Variants in ADAMTSL3 observed in about 807,000 individuals in gnomAD.
ADAMTSL3 encodes ADAMTS like 3.
ADAMTSL3 carries 128 observed loss-of-function variants against 201.7 expected under a neutral mutation model. The observed-to-expected ratio is 0.63, with a 90% confidence interval of 0.55 to 0.73. The LOEUF (loss-of-function observed/expected upper bound fraction) is 0.73. Ranked by LOEUF, ADAMTSL3 falls within the 30% of genes least tolerant of loss-of-function variation. The pLI is 0.00. For missense variants in ADAMTSL3, 1,990 were observed against 2,119.6 expected, an observed-to-expected ratio of 0.94 and a Z score of 1.20; for synonymous variants, 738 against 748.4, an observed-to-expected ratio of 0.99 and a Z score of 0.23.
intron 16 of ADAMTSL3, among the ~76,000 whole-genome samples, chr15:83,921,063 T>G (rs2066134086): frequency 6.6e-6 from 1 of 152,238 alleles, no homozygotes; most frequent in African/African-American, 2.4e-5. Context: ...TCTAGAGTTG[T>G]TCATCGAGTC....
intron 23 of ADAMTSL3, among the ~76,000 whole-genome samples, chr15:84,005,242 C>G (rs568918830): frequency 6.6e-6 from 1 of 152,296 alleles, no homozygotes; most frequent in African/African-American, 2.4e-5. Context: ...GATTTTGGTG[C>G]ATGATCTCCA....
intron 23 of ADAMTSL3, among the ~76,000 whole-genome samples, chr15:83,991,974 C>T (rs992853846): frequency 5.3e-5 from 8 of 152,122 alleles, no homozygotes; most frequent in African/African-American, 9.7e-5. Context: ...TTGTGAATAG[C>T]GTTTTATTGC....
chr15:83,895,372 A>G (rs968752764), intron 13 of ADAMTSL3, among the ~76,000 whole-genome samples: 2 of 152,162 alleles, frequency 1.3e-5, no homozygotes, highest in African/African-American at 2.4e-5. Context: ...AGTCCTAGCC[A>G]TATGTTTTAT....
rs974265160 is a variant in ADAMTSL3 at position 83,691,308 on chromosome 15, C to T, written c.70-13081C>T. 4.6e-5 allele frequency among the ~76,000 whole-genome samples: 7 copies of T among 152,262 alleles called. No homozygotes were observed. In the East Asian group the frequency reaches 5.8e-4, roughly 13 times the overall value. Reference sequence around the variant, plus strand: ...TCATCCTCCTGCCTGGCTTTCCTTCCGCTGTGGAGAATTTTGGAGTTCATC... The same window carrying T: ...TCATCCTCCTGCCTGGCTTTCCTTCTGCTGTGGAGAATTTTGGAGTTCATC... On this transcript the variant is annotated intron_variant, in intron 2 of 29. Coordinates refer to ENST00000286744, the MANE Select transcript of ADAMTSL3 (RefSeq NM_207517.3).
chr15:84,014,776 A>T (rs1220982901), intron 24 of ADAMTSL3, 52 bp downstream of exon 24: 2 of 1,513,712 alleles, frequency 1.3e-6, no homozygotes, highest in African/African-American at 2.8e-5. Flanking sequence ...ATATGCACAA[A>T]GTAGGCCCCA....
chr15:83,968,019 T>A (rs1596477038), intron 19 of ADAMTSL3, among the ~76,000 whole-genome samples: 1 of 152,140 alleles, frequency 6.6e-6, no homozygotes, highest in South Asian at 2.1e-4. Context: ...TTACACCTTA[T>A]ACAAAAATTA....
At chr15:83,967,139 C>T (rs1295469467) in intron 19 of ADAMTSL3, among the ~76,000 whole-genome samples, 1 of 152,204 alleles carries the variant, frequency 6.6e-6, no homozygotes, top group Non-Finnish European at 1.5e-5. Context: ...TGCCCTCTCT[C>T]ACCACTCTTA....
chr15:83,837,593 C>A (rs2064299665), intron 6 of ADAMTSL3, among the ~76,000 whole-genome samples: 1 of 152,040 alleles, frequency 6.6e-6, no homozygotes, highest in Non-Finnish European at 1.5e-5. Context: ...CCAGCCTGGG[C>A]AGCATAGGGA....
intron 3 of ADAMTSL3, among the ~76,000 whole-genome samples, chr15:83,713,676 A>G (rs555214578): frequency 6.6e-6 from 1 of 152,358 alleles, no homozygotes; most frequent in Non-Finnish European, 1.5e-5. Context: ...CAGGCAAGAA[A>G]AGACTTCGCC....
In ADAMTSL3 at chr15:83,961,250, A is replaced by G. The variant is rs534950612; in HGVS notation, c.2491-9234A>G. On this transcript the variant is annotated intron_variant, in intron 19 of 29. Coordinates refer to ENST00000286744, the MANE Select transcript of ADAMTSL3 (RefSeq NM_207517.3). ...AAAGGGAGATGGGATACAGACTGGA[A>G]TAAGTCATATAAAATTATATGGAAA... 1.7e-4 allele frequency among the ~76,000 whole-genome samples: 26 copies of G among 152,342 alleles called. 1 individual carries two copies. Among genetic ancestry groups the G allele is most frequent in the African/African-American group, 5.5e-4 (23 of 41,586 alleles).
At chr15:83,729,693 A>G (rs1256259792) in intron 3 of ADAMTSL3, among the ~76,000 whole-genome samples, 2 of 152,006 alleles carry the variant, frequency 1.3e-5, no homozygotes, top group Admixed American at 1.3e-4. Context: ...GCTTCTCAAA[A>G]CAGCTATTTT....
At chr15:83,804,298 G>A (rs139446979) in intron 4 of ADAMTSL3, among the ~76,000 whole-genome samples, 6 of 152,254 alleles carry the variant, frequency 3.9e-5, no homozygotes, top group African/African-American at 1.4e-4. Context: ...TCTACATGTA[G>A]CATTTCCCTT....
At chr15:83,868,597 C>G (rs2065023147) in intron 8 of ADAMTSL3, among the ~76,000 whole-genome samples, 2 of 152,130 alleles carry the variant, frequency 1.3e-5, no homozygotes, top group Non-Finnish European at 2.9e-5. Flanking sequence ...CTCTGCTTAC[C>G]CATTTACACA....
intron 7 of ADAMTSL3, among the ~76,000 whole-genome samples, chr15:83,849,405 C>T (rs995331033): frequency 6.6e-6 from 1 of 152,214 alleles, no homozygotes. Flanking sequence ...GGATTACAGG[C>T]ATGAGCCACC....
chr15:83,749,053 A>G (rs768009776), intron 3 of ADAMTSL3, among the ~76,000 whole-genome samples: 12 of 152,186 alleles, frequency 7.9e-5, no homozygotes, highest in Non-Finnish European at 1.3e-4. Context: ...CCCCAAAGAA[A>G]GCCTTGGCAC....
chr15:84,007,402 C>T (rs1313542091), intron 23 of ADAMTSL3, among the ~76,000 whole-genome samples: 1 of 152,170 alleles, frequency 6.6e-6, no homozygotes, highest in East Asian at 1.9e-4. Context: ...CAAGAATCCA[C>T]CCCTTAGCCA....
At chr15:83,693,507 T>A (rs2061640600) in intron 2 of ADAMTSL3, among the ~76,000 whole-genome samples, 1 of 152,102 alleles carries the variant, frequency 6.6e-6, no homozygotes, top group African/African-American at 2.4e-5. Flanking sequence ...CCCAGCCAGG[T>A]TCCTAGAGAG....
In ADAMTSL3 at chr15:83,785,793, C is replaced by CT. The variant is rs201429755; in HGVS notation, c.317+12153dup. Among the ~76,000 whole-genome samples the CT allele has an allele frequency of 1.1e-3, 160 of 148,568 alleles. 1 individual carries two copies. In the Middle Eastern group the frequency reaches 0.017, roughly 16 times the overall value. ...TCATGTTCTCTTTAATTACTTTCCT[C>CT]TTTTTTTTTTCTTTTTCTGTGCACG... On this transcript the variant is annotated intron_variant, in intron 4 of 29. Coordinates refer to ENST00000286744, the MANE Select transcript of ADAMTSL3 (RefSeq NM_207517.3).
intron 4 of ADAMTSL3, 109 bp downstream of exon 4, chr15:83,773,759 G>A: frequency 7.3e-7 from 1 of 1,371,054 alleles, no homozygotes; most frequent in African/African-American, 1.5e-5. Context: ...TGATGATGGT[G>A]TAACGTTTGC....
Sources: allele counts gnomAD v4.1 joint callset (sites outside exome capture counted in the v4.1 genomes callset), GRCh38; gene constraint gnomAD v4.1.1; transcripts MANE v1.5; gene names NCBI Gene and HGNC (gene_info 2026-07-23, HGNC 2026-07-21).